Variants in RNF152 observed in about 807,000 individuals in gnomAD.
RNF152 encodes E3 ubiquitin-protein ligase RNF152.
A neutral mutation model predicts 12.7 loss-of-function variants in RNF152; 11 were observed. The observed-to-expected ratio is 0.86, with a 90% CI of 0.54 to 1.43. RNF152 has a LOEUF of 1.43. Ranked by LOEUF, RNF152 falls within the 40% of genes most tolerant of loss-of-function variation. The pLI is 0.00. For missense variants in RNF152, 255 were observed against 274.8 expected (o/e 0.93, Z 0.51); for synonymous variants, 113 against 120.3 (o/e 0.94, Z 0.40).
rs536718946 is a variant in RNF152 at position 61,871,729 on chromosome 18, T to C, written c.-136+21066A>G. 2.2e-4 allele frequency among the ~76,000 whole-genome samples: 34 copies of C among 152,324 alleles called. 2 individuals are homozygous for C. In the East Asian group the frequency reaches 6.0e-3, roughly 27 times the overall value. Reference sequence around the variant, plus strand: ...GGACCATGAACAGCCTGGCTTGTTCTGGTAGGGACAACTCATGGCCCACCT... The same window carrying C: ...GGACCATGAACAGCCTGGCTTGTTCCGGTAGGGACAACTCATGGCCCACCT... On this transcript the variant is annotated intron_variant, in intron 1 of 1. Transcript: ENST00000312828.
At chr18:61,834,049 C>T (rs1053541243) in intron 1 of RNF152, among the ~76,000 whole-genome samples, 4 of 152,236 alleles carry the variant, frequency 2.6e-5, no homozygotes, top group Non-Finnish European at 4.4e-5. Flanking sequence ...TAAGCACCTA[C>T]TATGTACCAG....
At chr18:61,880,295 G>A (rs757262595) in intron 1 of RNF152, among the ~76,000 whole-genome samples, 9 of 152,102 alleles carry the variant, frequency 5.9e-5, no homozygotes, top group Admixed American at 1.3e-4. Flanking sequence ...CCAAAGACAG[G>A]TCCGCAAAGA....
Position 61,809,856 on chromosome 18 carries a change from GAAAAAAAA to G in RNF152, c.*5988_*5995del, listed in dbSNP as rs56397865. On this transcript the variant is annotated 3_prime_UTR_variant, in exon 2 of 2. Transcript: ENST00000312828. The stretch of plus-strand genomic sequence containing the variant: ...TGGGATACCCCAGGCAGTGAATCCT[GAAAAAAAA>G]AAAAAAAAAAAAAGTCATTGGCTCG... 9.9e-6 allele frequency: 1 copy of G among 100,836 alleles called. No individual in the cohort carries two copies. The highest frequency in any genetic ancestry group is 1.9e-5 in the Non-Finnish European group (1 of 51,496). The allele number at this position is 100,836 out of a possible 1,614,324, so 6.2% of individuals were successfully genotyped here.
intron 1 of RNF152, among the ~76,000 whole-genome samples, chr18:61,858,382 G>T (rs1385527025): frequency 6.6e-6 from 1 of 151,260 alleles, no homozygotes; most frequent in Non-Finnish European, 1.5e-5. Flanking sequence ...CCAGCCACTT[G>T]TTAGATTCCT....
At chr18:61,885,310 TTTTG>T (rs60594023) in intron 1 of RNF152, among the ~76,000 whole-genome samples, 1 of 151,184 alleles carries the variant, frequency 6.6e-6, no homozygotes, top group Admixed American at 6.6e-5. Flanking sequence ...ACTGAGAGTG[TTTTG>T]TTTGTTTGTT....
chr18:61,887,423 A>G (rs1397290101), intron 1 of RNF152, among the ~76,000 whole-genome samples: 3 of 152,184 alleles, frequency 2.0e-5, no homozygotes, highest in Non-Finnish European at 4.4e-5. Flanking sequence ...AGCAATAGTA[A>G]GAAGAATGCT....
chr18:61,822,793 T>C (rs1909480944), intron 1 of RNF152, among the ~76,000 whole-genome samples: 1 of 152,224 alleles, frequency 6.6e-6, no homozygotes, highest in Non-Finnish European at 1.5e-5. Context: ...AATTCAATGG[T>C]TGTGTTGAGA....
At chr18:61,834,114 C>T (rs4129491) in intron 1 of RNF152, among the ~76,000 whole-genome samples, 69,463 of 152,024 alleles carry the variant, frequency 0.46, 16,371 homozygotes, top group Non-Finnish European at 0.53. Context: ...ATTTTTGTTA[C>T]GTCCTGGCTT....
intron 1 of RNF152, among the ~76,000 whole-genome samples, chr18:61,864,770 G>A (rs148749523): frequency 2.8e-4 from 43 of 152,228 alleles, no homozygotes; most frequent in African/African-American, 9.6e-4. Flanking sequence ...GTTTATGGTC[G>A]GGCACAGTGC....
rs375491495 is a variant in RNF152 at position 61,844,191 on chromosome 18, AAGGGAAGGAGGG to A, written c.-135-27605_-135-27594del. Among the ~76,000 whole-genome samples the A allele has an allele frequency of 2.0e-3, 118 of 58,776 alleles. 1 individual carries two copies. Among genetic ancestry groups the A allele is most frequent in the Middle Eastern group, 9.8e-3 (1 of 102 alleles). 38.6% of individuals were successfully genotyped at this position (58,776 alleles called of 152,430 possible). ...GAAGGGAGGAAGAGAGGAAGGAAGG[AAGGGAAGGAGGG>A]AGGGAAGGAGGGAGGGAAGGAGGGA... On this transcript the variant is annotated intron_variant, in intron 1 of 1. Coordinates refer to ENST00000312828, the MANE Select transcript of RNF152 (RefSeq NM_173557.3).
intron 1 of RNF152, among the ~76,000 whole-genome samples, chr18:61,885,393 T>C (rs1912643979): frequency 6.6e-6 from 1 of 152,148 alleles, no homozygotes; most frequent in Non-Finnish European, 1.5e-5. Flanking sequence ...CTGCAACTTC[T>C]GCCTCCCAGG....
intron 1 of RNF152, among the ~76,000 whole-genome samples, chr18:61,883,026 C>T (rs1390915448): frequency 6.6e-6 from 1 of 152,122 alleles, no homozygotes; most frequent in African/African-American, 2.4e-5. Flanking sequence ...TACATAAACA[C>T]ACTCAGATAC....
intron 1 of RNF152, among the ~76,000 whole-genome samples, chr18:61,828,204 G>A (rs1909760334): frequency 6.6e-6 from 1 of 152,130 alleles, no homozygotes; most frequent in African/African-American, 2.4e-5. Context: ...AATAGCCACT[G>A]CTCTGCTTTT....
chr18:61,820,281 A>C (rs1401199297), intron 1 of RNF152, among the ~76,000 whole-genome samples: 1 of 137,336 alleles, frequency 7.3e-6, no homozygotes, highest in Non-Finnish European at 1.5e-5. Context: ...ATGAGCAGAG[A>C]TCGCACCACT....
At chr18:61,820,336 A>C (rs1428970807) in intron 1 of RNF152, among the ~76,000 whole-genome samples, 1 of 144,422 alleles carries the variant, frequency 6.9e-6, no homozygotes. Flanking sequence ...CTCACCAAAA[A>C]AAAAAAAAAA....
chr18:61,812,162 C>G lies in RNF152; in HGVS notation c.*3690G>C, dbSNP rs1467807006. On this transcript the variant is annotated 3_prime_UTR_variant, in exon 2 of 2. Coordinates refer to ENST00000312828, the MANE Select transcript of RNF152 (RefSeq NM_173557.3). ...AGAACTGCATCGTTCAATATGGCAG[C>G]CACTAGACACATAGGGCTATTTAAA... The G allele has an allele frequency of 2.0e-5, 3 of 152,108 alleles. No individual in the cohort carries two copies. Among genetic ancestry groups the G allele is most frequent in the African/African-American group, 7.2e-5 (3 of 41,424 alleles). The allele number at this position is 152,108 out of a possible 1,614,324, so 9.4% of individuals were successfully genotyped here.
chr18:61,877,121 T>C (rs1298143065), intron 1 of RNF152, among the ~76,000 whole-genome samples: 1 of 152,192 alleles, frequency 6.6e-6, no homozygotes, highest in Non-Finnish European at 1.5e-5. Context: ...GAAAGACTCA[T>C]CCACAAACAG....
chr18:61,856,216 G>A (rs1262578309), intron 1 of RNF152, among the ~76,000 whole-genome samples: 1 of 152,190 alleles, frequency 6.6e-6, no homozygotes, highest in African/African-American at 2.4e-5. Flanking sequence ...GGTGAGTAAA[G>A]CGATGACAAT....
Position 61,883,593 on chromosome 18 carries a change from T to C in RNF152, c.-136+9202A>G, listed in dbSNP as rs1469655631. 3.3e-5 allele frequency among the ~76,000 whole-genome samples: 5 copies of C among 152,168 alleles called. 1 individual carries two copies. The East Asian group carries it at 7.7e-4, about 23-fold the overall frequency. On this transcript the variant is annotated intron_variant, in intron 1 of 1. Coordinates refer to ENST00000312828, the MANE Select transcript of RNF152 (RefSeq NM_173557.3). ...AGAACAAGACTGGAGGGTGACCAGC[T>C]CATCCCAATTTTTCTGGGACTGTTT...
Sources: allele counts gnomAD v4.1 joint callset (sites outside exome capture counted in the v4.1 genomes callset), GRCh38; gene constraint gnomAD v4.1.1; transcripts MANE v1.5; gene names NCBI Gene and HGNC (gene_info 2026-07-23, HGNC 2026-07-21).